AKT1S1: variants seen among roughly 807,000 people sequenced by gnomAD.
AKT1S1 encodes AKT1 substrate 1, also known as proline-rich AKT1 substrate 1.
Under a neutral mutation model 21.2 loss-of-function variants are expected in AKT1S1, and 17 were observed. That is an observed-to-expected ratio of 0.80 (90% CI 0.55 to 1.20). AKT1S1 has a LOEUF of 1.20. Among genes scored for constraint, AKT1S1 ranks in the 50% most tolerant of loss-of-function variants. The pLI, the probability that AKT1S1 is intolerant of heterozygous loss-of-function variation, is 0.00. For synonymous variants in AKT1S1, 181 were observed against 165.6 expected, an observed-to-expected ratio of 1.09 and a Z score of -0.72; for missense variants, 366 against 368.3, an observed-to-expected ratio of 0.99 and a Z score of 0.05.
chr19:49,878,244 G>T (rs777928063), upstream of AKT1S1: 3 of 1,556,174 alleles, frequency 1.9e-6, no homozygotes, highest in Admixed American at 1.9e-5. Flanking sequence ...TGGAAAAGGT[G>T]CGCTGGGAGG....
chr19:49,878,349 T>A, upstream of AKT1S1: 3 of 1,238,022 alleles, frequency 2.4e-6, no homozygotes, highest in East Asian at 7.6e-5. Context: ...CAGTGGGACC[T>A]GAAGAAGGCT....
chr19:49,876,072 G>A (rs2074938834), intron 1 of AKT1S1: 6 of 985,936 alleles, frequency 6.1e-6, no homozygotes, highest in South Asian at 9.3e-5. Context: ...GAGGAGAGGG[G>A]TGGAACCACC....
In AKT1S1 at chr19:49,871,909, G is replaced by T; in HGVS notation, c.380-20C>A. 6.2e-7 allele frequency: 1 copy of T among 1,612,910 alleles called. No homozygotes were observed. Among genetic ancestry groups the T allele is most frequent in the Non-Finnish European group, 8.5e-7 (1 of 1,179,346 alleles). Reference sequence around the variant, plus strand: ...AGAGCCCTGTGGATGACCTGAGTTAGAGGCCCAGGCCAGGCAGCACCTAGC... The same window carrying T: ...AGAGCCCTGTGGATGACCTGAGTTATAGGCCCAGGCCAGGCAGCACCTAGC... On this transcript the variant is annotated intron_variant, in intron 2 of 4. Coordinates refer to ENST00000344175, the MANE Select transcript of AKT1S1 (RefSeq NM_001098633.4).
At chr19:49,874,724 C>T (rs1452061808) in intron 1 of AKT1S1, 1 of 152,150 alleles carries the variant, frequency 6.6e-6, no homozygotes, top group Non-Finnish European at 1.5e-5. Context: ...ATTTTCTTCC[C>T]CATTAACCAG....
In AKT1S1 at chr19:49,871,410, A is replaced by T. The variant is rs2074881668; in HGVS notation, c.627+137T>A. 8.4e-6 allele frequency: 10 copies of T among 1,189,948 alleles called. No homozygotes were observed. In the East Asian group the frequency reaches 2.3e-4, roughly 28 times the overall value. 73.7% of individuals were successfully genotyped at this position (1,189,948 alleles called of 1,614,324 possible). On this transcript the variant is annotated intron_variant, in intron 4 of 4. Coordinates refer to ENST00000344175, the MANE Select transcript of AKT1S1 (RefSeq NM_001098633.4). ...AAAACTGCAAGGCTCGTGTCCAAGA[A>T]CTCGCCTCTTGAGGTTGAGGGGAGG...
In AKT1S1 at chr19:49,873,301, C is replaced by A. The variant is rs1344124167; in HGVS notation, c.-6G>T. 2 of 1,485,428 alleles carry A rather than the reference C, an allele frequency of 1.3e-6. No homozygotes were observed. The highest frequency in any genetic ancestry group is 1.8e-6 in the Non-Finnish European group (2 of 1,129,502). 92.0% of individuals were successfully genotyped at this position (1,485,428 alleles called of 1,614,324 possible). On this transcript the variant is annotated splice_region_variant and 5_prime_UTR_variant, in exon 2 of 5. Coordinates refer to ENST00000344175, the MANE Select transcript of AKT1S1 (RefSeq NM_001098633.4). The surrounding 1 kb of genome is among the most constrained non-coding windows in gnomAD (Gnocchi z 6.9). Reference sequence around the variant, plus strand: ...TCGGGGCGCCCCGACGCCATCCGCGCCCTGCGGGCCAGAGCAGGACAGAGG... The same window carrying A: ...TCGGGGCGCCCCGACGCCATCCGCGACCTGCGGGCCAGAGCAGGACAGAGG...
Position 49,871,761 on chromosome 19 carries a change from C to T in AKT1S1, c.458-45G>A, listed in dbSNP as rs563338176. The stretch of plus-strand genomic sequence containing the variant: ...TCAGCTTCTGTCCCTGCCTTTGTGT[C>T]GGCCGTGTGCCTGCCCTCAGGTCGG... On this transcript the variant is annotated intron_variant, in intron 3 of 4. Coordinates refer to ENST00000344175, the MANE Select transcript of AKT1S1 (RefSeq NM_001098633.4). 240 of 1,610,708 alleles carry T rather than the reference C, an allele frequency of 1.5e-4. 2 individuals are homozygous for T. The South Asian group carries it at 1.9e-3, about 13-fold the overall frequency.
rs559128655 is a variant in AKT1S1, at chr19:49,872,868, G to A, written c.379+49C>T. The stretch of plus-strand genomic sequence containing the variant: ...CCCCCACCCCGACAAAGCCTCCTGC[G>A]GGCACCTCAAGCGCTGGGCCGCACC... On this transcript the variant is annotated intron_variant, in intron 2 of 4. Transcript: ENST00000344175. 76 of 1,559,078 alleles carry A rather than the reference G, an allele frequency of 4.9e-5. No individual in the cohort carries two copies. In the South Asian group the frequency reaches 6.5e-4, roughly 13 times the overall value.
At chr19:49,878,126 G>T (rs1164606566), upstream of AKT1S1, 11 of 1,564,216 alleles carry the variant, frequency 7.0e-6, no homozygotes, top group Non-Finnish European at 9.5e-6. Flanking sequence ...AGCCCTCGCT[G>T]GTTCCCCCCA....
chr19:49,872,801 C>G (rs2074898516), intron 2 of AKT1S1, 116 bp downstream of exon 2: 2 of 1,266,752 alleles, frequency 1.6e-6, no homozygotes. Flanking sequence ...GCTCTGGGGT[C>G]CTGAGACTGC....
upstream of AKT1S1, chr19:49,878,097 GT>G: frequency 6.7e-7 from 1 of 1,495,718 alleles, no homozygotes; most frequent in East Asian, 2.5e-5. Flanking sequence ...CCCCAGGCTG[GT>G]CCCCTCGCTT....
At chr19:49,876,694 T>C (rs1193230687) in intron 1 of AKT1S1, 3 of 1,455,258 alleles carry the variant, frequency 2.1e-6, no homozygotes, top group African/African-American at 2.9e-5. Context: ...TTGCCCCGCC[T>C]CCTCTCCGCA....
At chr19:49,872,573 T>A (rs1340222537) in intron 2 of AKT1S1, among the ~76,000 whole-genome samples, 2 of 152,098 alleles carry the variant, frequency 1.3e-5, no homozygotes, top group Non-Finnish European at 2.9e-5. Flanking sequence ...TGGAAACGAC[T>A]CTGGTTCTAC....
chr19:49,872,859 G>A, intron 2 of AKT1S1, 58 bp downstream of exon 2: 1 of 1,540,456 alleles, frequency 6.5e-7, no homozygotes. Context: ...CCCCGACAAA[G>A]CCTCCTGCGG....
At chr19:49,876,623 C>T (rs2074948292) in intron 1 of AKT1S1, 3 of 1,531,720 alleles carry the variant, frequency 2.0e-6, no homozygotes, top group Non-Finnish European at 2.6e-6. Flanking sequence ...CCAGCATGGC[C>T]GGCCCGGCGC....
chr19:49,871,772 C>G lies in AKT1S1; in HGVS notation c.457+40G>C, dbSNP rs753441334. 8.7e-6 allele frequency: 14 copies of G among 1,611,016 alleles called. No homozygotes were observed. The East Asian group carries it at 3.1e-4, about 36-fold the overall frequency. ...CCCTGCCTTTGTGTCGGCCGTGTGC[C>G]TGCCCTCAGGTCGGGAGGGGAACAG... On this transcript the variant is annotated intron_variant, in intron 3 of 4. Coordinates refer to ENST00000344175, the MANE Select transcript of AKT1S1 (RefSeq NM_001098633.4).
Position 49,869,245 on chromosome 19 carries a change from G to C in AKT1S1, c.*672C>G, listed in dbSNP as rs956074362. 1 of 152,752 alleles carries C rather than the reference G, an allele frequency of 6.5e-6. No homozygotes were observed. Among genetic ancestry groups the C allele is most frequent in the African/African-American group, 2.4e-5 (1 of 41,464 alleles). The allele number at this position is 152,752 out of a possible 1,614,324, so 9.5% of individuals were successfully genotyped here. The stretch of plus-strand genomic sequence containing the variant: ...CATCCTGGATGCAGGGACGGGCTTC[G>C]ATTGGCAGGCTGTTGTGGGGATGGA... On this transcript the variant is annotated 3_prime_UTR_variant, in exon 5 of 5. Transcript: ENST00000344175.
rs2074858558 is a variant in AKT1S1, at chr19:49,869,599, G to A, written c.*318C>T. 1 of 259,784 alleles carries A rather than the reference G, an allele frequency of 3.8e-6. No individual in the cohort carries two copies. The highest frequency in any genetic ancestry group is 1.3e-4 in the South Asian group (1 of 7,990). 16.1% of individuals were successfully genotyped at this position (259,784 alleles called of 1,614,324 possible). Reference sequence around the variant, plus strand: ...CCAATGCCGTGCGAGCAAATCCCTTGTCGCTAGGCGGAAAACAAAGGAGTT... The same window carrying A: ...CCAATGCCGTGCGAGCAAATCCCTTATCGCTAGGCGGAAAACAAAGGAGTT... On this transcript the variant is annotated 3_prime_UTR_variant, in exon 5 of 5. Coordinates refer to ENST00000344175, the MANE Select transcript of AKT1S1 (RefSeq NM_001098633.4).
At chr19:49,876,672 A>T in intron 1 of AKT1S1, 1 of 1,475,236 alleles carries the variant, frequency 6.8e-7, no homozygotes, top group Non-Finnish European at 9.0e-7. Context: ...GCCTTGCGTC[A>T]CGTCCGCGCA....
Sources: allele counts gnomAD v4.1 joint callset (sites outside exome capture counted in the v4.1 genomes callset), GRCh38; gene constraint gnomAD v4.1.1; non-coding constraint Gnocchi (gnomAD v3.1); transcripts MANE v1.5; gene names NCBI Gene and HGNC (gene_info 2026-07-23, HGNC 2026-07-21).